KAZN: variants seen among roughly 807,000 people sequenced by gnomAD.
KAZN encodes kazrin, periplakin interacting protein, also known as kazrin.
Under a neutral mutation model 87.4 loss-of-function variants are expected in KAZN, and 40 were observed. The ratio of observed to expected loss-of-function variants is 0.46; its 90% confidence interval spans 0.36 to 0.60. The LOEUF is 0.60. KAZN is among the 20% of genes least tolerant of loss of function. KAZN has a pLI of 0.00. For missense variants in KAZN, 898 were observed against 1,073.9 expected (o/e 0.84, Z 2.29); for synonymous variants, 466 against 458.3 (o/e 1.02, Z -0.22).
chr1:14,950,133 G>A (rs756061012), intron 1 of KAZN, among the ~76,000 whole-genome samples: 8 of 152,084 alleles, frequency 5.3e-5, no homozygotes, highest in African/African-American at 1.4e-4. Flanking sequence ...GCTGGGGAGC[G>A]CCGTGGAAGA....
chr1:14,591,449 A>C (rs980204933), intron 2 of KAZN, among the ~76,000 whole-genome samples: 1 of 148,592 alleles, frequency 6.7e-6, no homozygotes, highest in Non-Finnish European at 1.5e-5. Context: ...ACACACACAC[A>C]CCAAGAAAGA....
At chr1:13,963,410 T>C (rs1641826845) in intron 1 of KAZN, among the ~76,000 whole-genome samples, 1 of 152,228 alleles carries the variant, frequency 6.6e-6, no homozygotes, top group African/African-American at 2.4e-5. Context: ...CCAAATCCTC[T>C]AGCTACGTTG....
At chr1:14,418,842 G>T (rs1665072036) in intron 2 of KAZN, among the ~76,000 whole-genome samples, 1 of 152,200 alleles carries the variant, frequency 6.6e-6, no homozygotes, top group South Asian at 2.1e-4. Flanking sequence ...TGGTTACCAT[G>T]AGTCAGTCAC....
At chr1:14,797,152 C>T (rs763540503) in intron 1 of KAZN, among the ~76,000 whole-genome samples, 1 of 152,118 alleles carries the variant, frequency 6.6e-6, no homozygotes, top group African/African-American at 2.4e-5. Context: ...CCTCCGCCTC[C>T]TGGGTTCAAG....
At chr1:14,032,283 C>A (rs535305730) in intron 1 of KAZN, among the ~76,000 whole-genome samples, 255 of 152,326 alleles carry the variant, frequency 1.7e-3, no homozygotes, top group African/African-American at 6.0e-3. Context: ...TTGACATCAA[C>A]CAACACTGTG....
chr1:14,917,869 C>CCTTCCTTCCTTCCTTT (rs879905802), intron 1 of KAZN, among the ~76,000 whole-genome samples: 1 of 147,386 alleles, frequency 6.8e-6, no homozygotes, highest in Non-Finnish European at 1.5e-5. Flanking sequence ...TTCCTTCCTT[C>CCTTCCTTCCTTCCTTT]CTTTCTTTCT....
intron 2 of KAZN, among the ~76,000 whole-genome samples, chr1:15,001,723 G>A (rs764355724): frequency 3.0e-4 from 45 of 152,182 alleles, no homozygotes; most frequent in Admixed American, 7.2e-4. Context: ...CTGTGGGGTC[G>A]ACCTCACCCA....
chr1:14,193,441 C>A (rs1348556313), intron 2 of KAZN, among the ~76,000 whole-genome samples: 1 of 152,122 alleles, frequency 6.6e-6, no homozygotes, highest in Non-Finnish European at 1.5e-5. Flanking sequence ...ATGGGGCTAC[C>A]AGAAGCTGGG....
At chr1:14,001,956 T>C (rs971142910) in intron 1 of KAZN, among the ~76,000 whole-genome samples, 23 of 152,082 alleles carry the variant, frequency 1.5e-4, no homozygotes, top group Non-Finnish European at 3.2e-4. Flanking sequence ...GACCTCATAA[T>C]CAAAATGCCA....
chr1:14,407,710 A>G (rs1663976623), intron 2 of KAZN, among the ~76,000 whole-genome samples: 2 of 151,888 alleles, frequency 1.3e-5, no homozygotes, highest in African/African-American at 4.8e-5. Context: ...TATCATGCAT[A>G]TAGTAAGTTC....
At chr1:14,612,656 G>C (rs1677911799) in intron 1 of KAZN, among the ~76,000 whole-genome samples, 1 of 152,158 alleles carries the variant, frequency 6.6e-6, no homozygotes, top group Non-Finnish European at 1.5e-5. Flanking sequence ...CAGCACTGTA[G>C]ACATTCTAGG....
chr1:15,004,024 T>G (rs965675944), intron 2 of KAZN, among the ~76,000 whole-genome samples: 4 of 152,194 alleles, frequency 2.6e-5, no homozygotes, highest in African/African-American at 9.7e-5. Flanking sequence ...TTCCTCTGAT[T>G]GTCTTCTGTT....
intron 1 of KAZN, among the ~76,000 whole-genome samples, chr1:14,116,787 GGCTGTACCCT>G (rs1644631589): frequency 6.6e-6 from 1 of 152,212 alleles, no homozygotes; most frequent in African/African-American, 2.4e-5. Context: ...CCAGGAGGGA[GGCTGTACCCT>G]GCAAAGCAAC....
chr1:14,619,042 A>C (rs1572060794), intron 1 of KAZN, among the ~76,000 whole-genome samples: 1 of 152,254 alleles, frequency 6.6e-6, no homozygotes, highest in East Asian at 1.9e-4. Flanking sequence ...GGTTTGGCTC[A>C]AGATCTGGGT....
At chr1:14,797,459 T>C (rs1645864940) in intron 1 of KAZN, among the ~76,000 whole-genome samples, 1 of 152,130 alleles carries the variant, frequency 6.6e-6, no homozygotes, top group African/African-American at 2.4e-5. Flanking sequence ...GATGAGAGTC[T>C]ATGAAGAGGG....
At chr1:14,109,262 G>T (rs1354074767) in intron 1 of KAZN, among the ~76,000 whole-genome samples, 2 of 152,192 alleles carry the variant, frequency 1.3e-5, no homozygotes, top group Non-Finnish European at 2.9e-5. Context: ...AGAGGACAAA[G>T]AGTATTTGCA....
intron 1 of KAZN, among the ~76,000 whole-genome samples, chr1:14,817,683 A>T (rs1003619579): frequency 6.6e-6 from 1 of 152,162 alleles, no homozygotes; most frequent in African/African-American, 2.4e-5. Context: ...TTAAAAGTAC[A>T]TATAACAGCC....
chr1:14,243,226 C>A (rs1485741189), intron 2 of KAZN, among the ~76,000 whole-genome samples: 2 of 152,166 alleles, frequency 1.3e-5, no homozygotes, highest in African/African-American at 4.8e-5. Context: ...TTTCTCTTTT[C>A]TTTGAGAGCA....
At chr1:14,741,752 C>T (rs1464658750) in intron 1 of KAZN, among the ~76,000 whole-genome samples, 2 of 152,170 alleles carry the variant, frequency 1.3e-5, no homozygotes, top group Non-Finnish European at 2.9e-5. Flanking sequence ...TCCAGAATGG[C>T]CCCTTGAAGA....
Sources: allele counts gnomAD v4.1 joint callset (sites outside exome capture counted in the v4.1 genomes callset), GRCh38; gene constraint gnomAD v4.1.1; transcripts MANE v1.5; gene names NCBI Gene and HGNC (gene_info 2026-07-23, HGNC 2026-07-21).